Variants in SPACA7 observed in about 807,000 individuals in gnomAD.
SPACA7 encodes sperm acrosome associated 7, also known as sperm acrosome-associated protein 7.
A neutral mutation model predicts 26.3 loss-of-function variants in SPACA7; 19 were observed. That is an observed-to-expected ratio of 0.72 (90% CI 0.50 to 1.06). The LOEUF (loss-of-function observed/expected upper bound fraction) is 1.06. Ranked by LOEUF, SPACA7 falls within the 50% of genes least tolerant of loss-of-function variation. SPACA7 has a pLI of 0.00. For missense variants in SPACA7, 211 were observed against 229.9 expected (o/e 0.92, Z 0.53); for synonymous variants, 84 against 84.5 (o/e 0.99, Z 0.04).
chr13:112,376,738 C>T (rs914507274), intron 1 of SPACA7, among the ~76,000 whole-genome samples: 1 of 152,080 alleles, frequency 6.6e-6, no homozygotes, highest in Non-Finnish European at 1.5e-5. Context: ...CATGAACCTT[C>T]GTGTATTCAC....
intron 2 of SPACA7, among the ~76,000 whole-genome samples, chr13:112,394,236 G>A (rs1885085613): frequency 6.6e-6 from 1 of 152,192 alleles, no homozygotes; most frequent in Non-Finnish European, 1.5e-5. Flanking sequence ...TGGGGAAACT[G>A]AGGCCCAGAA....
In SPACA7 at chr13:112,399,076, T is replaced by C; in HGVS notation, c.252T>C (p.Ile84=). 6.2e-7 allele frequency: 1 copy of C among 1,600,258 alleles called. No individual in the cohort carries two copies. Among genetic ancestry groups the C allele is most frequent in the Non-Finnish European group, 8.6e-7 (1 of 1,168,308 alleles). The change falls in exon 4 of 7, where the codon ATT becomes ATC. Residue 84 remains isoleucine, a synonymous_variant. Transcript: ENST00000283550. The part of the protein sequence containing the change: ...STLSTPLHAG[I]DENYQAGGSE... ...TGTTCTTCATTGAAGATGCTGGTAT[T>C]GATGAGAATTATCAAGCTGGTGGTT...
intron 5 of SPACA7, among the ~76,000 whole-genome samples, chr13:112,409,822 A>T (rs984486093): frequency 2.0e-5 from 3 of 152,094 alleles, no homozygotes; most frequent in Non-Finnish European, 2.9e-5. Context: ...TCCTCAAGGA[A>T]GTAGAACTAG....
At chr13:112,384,088 A>C (rs1348218012) in intron 1 of SPACA7, among the ~76,000 whole-genome samples, 1 of 152,220 alleles carries the variant, frequency 6.6e-6, no homozygotes, top group African/African-American at 2.4e-5. Context: ...TTAATACATT[A>C]GTTTTCCATA....
chr13:112,389,095 T>A (rs1884714230), intron 1 of SPACA7, among the ~76,000 whole-genome samples: 2 of 152,198 alleles, frequency 1.3e-5, no homozygotes, highest in African/African-American at 4.8e-5. Flanking sequence ...CTAATGTTAG[T>A]CTTACAAAGG....
At chr13:112,413,528 A>C (rs1886489085) in intron 5 of SPACA7, among the ~76,000 whole-genome samples, 1 of 151,934 alleles carries the variant, frequency 6.6e-6, no homozygotes, top group Non-Finnish European at 1.5e-5. Context: ...TGTCCTTTAC[A>C]TTTGAGAGCT....
intron 5 of SPACA7, among the ~76,000 whole-genome samples, chr13:112,415,536 G>C (rs1289119182): frequency 6.6e-6 from 1 of 152,112 alleles, no homozygotes; most frequent in Non-Finnish European, 1.5e-5. Flanking sequence ...TGCTGTGGCA[G>C]GGTTTGTGCT....
intron 5 of SPACA7, among the ~76,000 whole-genome samples, chr13:112,408,243 C>A (rs984096919): frequency 5.2e-4 from 79 of 152,214 alleles, no homozygotes; most frequent in African/African-American, 1.9e-3. Flanking sequence ...CTATTTATGA[C>A]AAACCCACAG....
chr13:112,383,191 AAGAAAAG>A (rs1404468354), intron 1 of SPACA7, among the ~76,000 whole-genome samples: 41 of 140,332 alleles, frequency 2.9e-4, no homozygotes, highest in African/African-American at 8.9e-4. Flanking sequence ...GAAAGAAAGA[AAGAAAAG>A]AAAGAAAGAA....
At chr13:112,403,012 T>A (rs1289047226) in intron 5 of SPACA7, among the ~76,000 whole-genome samples, 1 of 152,094 alleles carries the variant, frequency 6.6e-6, no homozygotes, top group Non-Finnish European at 1.5e-5. Flanking sequence ...AAAAAATTTA[T>A]AATAAAAATT....
chr13:112,383,574 C>G (rs185087590), intron 1 of SPACA7, among the ~76,000 whole-genome samples: 44 of 152,268 alleles, frequency 2.9e-4, no homozygotes, highest in Admixed American at 2.6e-3. Flanking sequence ...AAGCCGAGCC[C>G]AGCCATGGAT....
In SPACA7 at chr13:112,404,570, T is replaced by A. The variant is rs539627971; in HGVS notation, c.445+3406T>A. On this transcript the variant is annotated intron_variant, in intron 5 of 6. Transcript: ENST00000283550. ...TCAGGTCTTAAATTTAAGTCCTTTA[T>A]CCATCTTGAGTTGATTTTTGTATAA... Among the ~76,000 whole-genome samples the A allele has an allele frequency of 5.9e-5, 9 of 152,368 alleles. No individual in the cohort carries two copies. The South Asian group carries it at 1.9e-3, about 32-fold the overall frequency.
intron 1 of SPACA7, among the ~76,000 whole-genome samples, chr13:112,386,573 T>TA (rs1767217106): frequency 6.6e-6 from 1 of 151,998 alleles, no homozygotes; most frequent in Admixed American, 6.6e-5. Context: ...TACCAGAAGT[T>TA]ATCTTAGGGC....
At chr13:112,392,854 C>A (rs1428980851) in intron 1 of SPACA7, among the ~76,000 whole-genome samples, 167 bp from the exon 2 acceptor site, 2 of 152,212 alleles carry the variant, frequency 1.3e-5, no homozygotes, top group Admixed American at 6.5e-5. Flanking sequence ...TCCCAGAGAA[C>A]TTTCCTGGGG....
At chr13:112,376,564 T>G in intron 1 of SPACA7, 85 bp downstream of exon 1, 2 of 1,380,794 alleles carry the variant, frequency 1.4e-6, no homozygotes, top group Non-Finnish European at 2.0e-6. Context: ...GTTCCTCTTA[T>G]TCCCAACCTA....
intron 5 of SPACA7, among the ~76,000 whole-genome samples, chr13:112,401,562 GACT>G (rs935328518): frequency 2.6e-5 from 4 of 152,242 alleles, no homozygotes; most frequent in African/African-American, 4.8e-5. Flanking sequence ...GTTGACTTTT[GACT>G]ACGTTTATAA....
chr13:112,378,721 C>T, intron 1 of SPACA7: 1 of 471,148 alleles, frequency 2.1e-6, no homozygotes. Context: ...ACCCGGTGAG[C>T]CAGGTAGCAG....
chr13:112,377,889 A>AAAG (rs1267976387), intron 1 of SPACA7, among the ~76,000 whole-genome samples: 2 of 152,222 alleles, frequency 1.3e-5, no homozygotes, highest in Non-Finnish European at 2.9e-5. Context: ...GAAGAAAAAC[A>AAAG]AAGATTTATA....
At chr13:112,401,015 A>G in intron 4 of SPACA7, 54 bp from the exon 5 acceptor site, 1 of 1,289,884 alleles carries the variant, frequency 7.8e-7, no homozygotes, top group East Asian at 2.3e-5. Context: ...CAAAGTGCTT[A>G]TAAGTGTGTA....
Sources: allele counts gnomAD v4.1 joint callset (sites outside exome capture counted in the v4.1 genomes callset), GRCh38; gene constraint gnomAD v4.1.1; transcripts MANE v1.5; gene names NCBI Gene and HGNC (gene_info 2026-07-23, HGNC 2026-07-21).